The following BICD2 variants were observed in gnomAD, a reference collection of about 807,000 sequenced individuals.
BICD2 encodes the protein BICD cargo adaptor 2, also known as protein bicaudal D homolog 2.
Under a neutral mutation model 72.9 loss-of-function variants are expected in BICD2, and 25 were observed. That is an observed-to-expected ratio of 0.34 (90% CI 0.25 to 0.48). The LOEUF (loss-of-function observed/expected upper bound fraction) is 0.48. BICD2 is among the 20% of genes least tolerant of loss of function. The pLI is 0.99. For synonymous variants in BICD2, 501 were observed against 516.1 expected, an observed-to-expected ratio of 0.97 and a Z score of 0.40; for missense variants, 894 against 1,175.2, an observed-to-expected ratio of 0.76 and a Z score of 3.50.
chr9:92,725,015 A>G (rs1853537724), intron 2 of BICD2, among the ~76,000 whole-genome samples: 1 of 152,188 alleles, frequency 6.6e-6, no homozygotes, highest in Non-Finnish European at 1.5e-5. Flanking sequence ...CCTGCCAGTC[A>G]AGATCAACAA....
intron 1 of BICD2, among the ~76,000 whole-genome samples, chr9:92,730,705 G>A (rs1354216369): frequency 1.3e-5 from 2 of 152,164 alleles, no homozygotes; most frequent in African/African-American, 2.4e-5. Context: ...CCTAAACAAG[G>A]CTAACAGGAC....
At chr9:92,736,682 T>G (rs1853793945) in intron 1 of BICD2, among the ~76,000 whole-genome samples, 1 of 152,208 alleles carries the variant, frequency 6.6e-6, no homozygotes, top group Non-Finnish European at 1.5e-5. Flanking sequence ...TTGCGTGAGA[T>G]TCAAGAACCC....
chr9:92,721,923 G>A (rs960033356), intron 3 of BICD2, among the ~76,000 whole-genome samples: 1 of 152,172 alleles, frequency 6.6e-6, no homozygotes, highest in Non-Finnish European at 1.5e-5. Context: ...TTCCTCCTCC[G>A]GGCATAAATA....
In BICD2 at chr9:92,722,682, G is replaced by A; in HGVS notation, c.580C>T (p.Gln194Ter). Residue 194 changes from glutamine (Q) to a stop codon, truncating the protein, a stop_gained, in exon 3 of 7, where the codon CAA becomes TAA. Coordinates refer to ENST00000356884, the MANE Select transcript of BICD2 (RefSeq NM_001003800.2). LOFTEE classifies it high-confidence loss of function. ...TGGTTCTGTCTGAGCACAGACACTT[G>A]CTTCTGCAGGCTGATGTTCTCCTCC... ...LEEENISLQKQVSVLRQNQVE... is the reference protein window; with the variant it reads ...LEEENISLQK 1.2e-6 allele frequency: 2 copies of A among 1,614,190 alleles called. No homozygotes were observed. The highest frequency in any genetic ancestry group is 1.7e-6 in the Non-Finnish European group (2 of 1,180,034).
At position 92,744,871 on chromosome 9, in the gene BICD2, G is replaced by T. The variant is rs553371662; in HGVS notation, c.241-15635C>A. Among the ~76,000 whole-genome samples, 10 of 152,058 alleles carry T rather than the reference G, an allele frequency of 6.6e-5. No individual in the cohort carries two copies. In the South Asian group the frequency reaches 1.2e-3, roughly 19 times the overall value. On this transcript the variant is annotated intron_variant, in intron 1 of 6. Coordinates refer to ENST00000356884, the MANE Select transcript of BICD2 (RefSeq NM_001003800.2). ...AAAAAAAGAAAAAAAAGGAAAAGCT[G>T]CAGAATAGCAAATGTACCCAAGGGA...
rs770025339 is a variant in BICD2 at position 92,713,837 on chromosome 9, G to A, written c.*1317C>T. On this transcript the variant is annotated 3_prime_UTR_variant, in exon 7 of 7. Transcript: ENST00000356884. ...TACTCGGCACCAAAGGGAAGAACGC[G>A]CAGGGCAGAGAGCTGTGGGAGGGGG... 5 of 1,083,654 alleles carry A rather than the reference G, an allele frequency of 4.6e-6. No individual in the cohort carries two copies. Among genetic ancestry groups the A allele is most frequent in the Admixed American group, 4.6e-5 (1 of 21,926 alleles). 67.1% of individuals were successfully genotyped at this position (1,083,654 alleles called of 1,614,324 possible). A position where few individuals can be genotyped will look rare whatever the true frequency, so the allele number is the denominator to read the frequency against.
chr9:92,757,848 C>T (rs1252248758), intron 1 of BICD2, among the ~76,000 whole-genome samples: 1 of 152,260 alleles, frequency 6.6e-6, no homozygotes, highest in African/African-American at 2.4e-5. Context: ...TACATGGACT[C>T]ACTCTATTAC....
intron 3 of BICD2, among the ~76,000 whole-genome samples, chr9:92,721,826 T>C (rs898929941): frequency 7.2e-5 from 11 of 152,244 alleles, no homozygotes; most frequent in African/African-American, 2.7e-4. Flanking sequence ...CAAATGGTAC[T>C]TACAATGTAG....
chr9:92,760,499 G>A (rs1044191673), intron 1 of BICD2, among the ~76,000 whole-genome samples: 4 of 152,216 alleles, frequency 2.6e-5, no homozygotes, highest in South Asian at 2.1e-4. Context: ...ACCAGGGCTC[G>A]ATGTGGGAGT....
intron 5 of BICD2, 95 bp from the exon 6 acceptor site, chr9:92,718,043 T>C (rs952347750): frequency 1.9e-5 from 28 of 1,445,500 alleles, no homozygotes; most frequent in Non-Finnish European, 2.6e-5. Flanking sequence ...TCTGAAGTGG[T>C]GGCAGTGCCT....
rs758588310 is a variant in BICD2 at position 92,729,073 on chromosome 9, G to A, written c.404C>T (p.Thr135Met). The change falls in exon 2 of 7, where the codon ACG becomes ATG. Residue 135 changes from threonine to methionine, a missense_variant. Thr to Met is a moderately conservative substitution (Grantham distance 81, BLOSUM62 -1). Around this residue, in one of 5 missense-constraint regions of BICD2, gnomAD observed 192 missense variants for 243.6 expected, o/e 0.79. Coordinates refer to ENST00000356884, the MANE Select transcript of BICD2 (RefSeq NM_001003800.2). ...LKQLRNVLTNTQSENERLASV... is the reference protein window; with the variant it reads ...LKQLRNVLTNMQSENERLASV... Reference sequence around the variant, plus strand: ...GGCCAGGCGCTCATTCTCCGACTGCGTGTTGGTGAGGACATTGCGCAACTG... The same window carrying A: ...GGCCAGGCGCTCATTCTCCGACTGCATGTTGGTGAGGACATTGCGCAACTG... 1.4e-5 allele frequency: 23 copies of A among 1,614,254 alleles called. No individual in the cohort carries two copies. In the South Asian group the frequency reaches 2.0e-4, roughly 14 times the overall value.
chr9:92,755,525 T>C (rs140912403), intron 1 of BICD2, among the ~76,000 whole-genome samples: 6,366 of 152,298 alleles, frequency 0.042, 210 homozygotes, highest in Non-Finnish European at 0.06. Context: ...ACATGTGATG[T>C]CTCCCCCGGA....
At chr9:92,723,935 C>A (rs1853514889) in intron 2 of BICD2, among the ~76,000 whole-genome samples, 1 of 152,336 alleles carries the variant, frequency 6.6e-6, no homozygotes, top group South Asian at 2.1e-4. Context: ...ATATGTCTAG[C>A]AGCTCCCTGA....
intron 2 of BICD2, among the ~76,000 whole-genome samples, chr9:92,723,604 T>C (rs1853507825): frequency 6.6e-6 from 1 of 152,160 alleles, no homozygotes; most frequent in Non-Finnish European, 1.5e-5. Context: ...TTTGGAGCAA[T>C]GAACTGTTCT....
At chr9:92,751,422 G>T (rs990650728) in intron 1 of BICD2, among the ~76,000 whole-genome samples, 2 of 152,128 alleles carry the variant, frequency 1.3e-5, no homozygotes, top group East Asian at 3.8e-4. Flanking sequence ...AGGATTACAG[G>T]TGTGAGCCAC....
rs548188993 is a variant in BICD2, at chr9:92,762,717, T to C, written c.240+1788A>G. 1.4e-4 allele frequency among the ~76,000 whole-genome samples: 21 copies of C among 152,268 alleles called. No individual in the cohort carries two copies. In the South Asian group the frequency reaches 4.4e-3, roughly 32 times the overall value. ...TGAAGGGCACCAAAGCGGGGACAAG[T>C]TAAGTCAGCGACAATTCCTTCTCAC... On this transcript the variant is annotated intron_variant, in intron 1 of 6. Coordinates refer to ENST00000356884, the MANE Select transcript of BICD2 (RefSeq NM_001003800.2).
intron 1 of BICD2, among the ~76,000 whole-genome samples, chr9:92,744,227 C>T (rs1459436150): frequency 6.6e-6 from 1 of 152,152 alleles, no homozygotes; most frequent in Non-Finnish European, 1.5e-5. Context: ...TGCCAATAAC[C>T]TACAAATACA....
Position 92,713,801 on chromosome 9 carries a change from G to A in BICD2, c.*1353C>T, listed in dbSNP as rs1006837560. The stretch of plus-strand genomic sequence containing the variant: ...ATGGGCGTGTCCTGGAGTCTGGAGG[G>A]GACCGAAACATACTCGGCACCAAAG... On this transcript the variant is annotated 3_prime_UTR_variant, in exon 7 of 7. Coordinates refer to ENST00000356884, the MANE Select transcript of BICD2 (RefSeq NM_001003800.2). 3 of 1,154,952 alleles carry A rather than the reference G, an allele frequency of 2.6e-6. No individual in the cohort carries two copies. Among genetic ancestry groups the A allele is most frequent in the East Asian group, 5.0e-5 (1 of 20,008 alleles). 71.5% of individuals were successfully genotyped at this position (1,154,952 alleles called of 1,614,324 possible).
chr9:92,755,039 A>C (rs1854226784), intron 1 of BICD2, among the ~76,000 whole-genome samples: 1 of 152,264 alleles, frequency 6.6e-6, no homozygotes, highest in South Asian at 2.1e-4. Context: ...TTTCAAAAGC[A>C]AATGGGAGAA....
Sources: gnomAD v4.1 joint callset for allele counts (sites outside exome capture counted in the v4.1 genomes callset) on GRCh38, gnomAD v4.1.1 for gene constraint, gnomAD v4.1.1 regional missense constraint, MANE v1.5 for transcripts, NCBI Gene and HGNC (gene_info 2026-07-23, HGNC 2026-07-21) for gene names.